PRELID2: variants seen among roughly 807,000 people sequenced by gnomAD.
PRELID2 encodes the protein PRELI domain containing 2, also known as PRELI domain-containing protein 2.
PRELID2 carries 25 observed loss-of-function variants against 28.4 expected under a neutral mutation model. That is an observed-to-expected ratio of 0.88 (90% CI 0.64 to 1.23). PRELID2 has a LOEUF of 1.23. Ranked by LOEUF, PRELID2 falls within the 50% of genes most tolerant of loss-of-function variation. PRELID2 has a pLI of 0.00. For synonymous variants in PRELID2, 76 were observed against 71.6 expected, an observed-to-expected ratio of 1.06 and a Z score of -0.31; for missense variants, 201 against 214.4, an observed-to-expected ratio of 0.94 and a Z score of 0.39.
intron 1 of PRELID2, among the ~76,000 whole-genome samples, chr5:145,529,892 G>A (rs73307634): frequency 2.2e-4 from 34 of 152,174 alleles, no homozygotes; most frequent in Middle Eastern, 6.8e-3. Flanking sequence ...CTATTAGCAC[G>A]TTTTATGTAA....
the PRELID2 span, among the ~76,000 whole-genome samples, chr5:145,323,587 G>T: frequency 8.5e-5 from 13 of 152,142 alleles, no homozygotes; most frequent in African/African-American, 3.1e-4. Flanking sequence ...CATAGTAAAT[G>T]GGTAGTTTTT....
chr5:145,789,636 CAAAT>C (rs1446200279), intron 5 of PRELID2, among the ~76,000 whole-genome samples: 6 of 152,022 alleles, frequency 3.9e-5, no homozygotes, highest in Non-Finnish European at 5.9e-5. Context: ...CAAAAACAGA[CAAAT>C]AAGATTGCAT....
the PRELID2 span, among the ~76,000 whole-genome samples, chr5:145,394,066 C>A: frequency 3.9e-5 from 6 of 152,106 alleles, no homozygotes; most frequent in African/African-American, 1.4e-4. Context: ...TTTGACCCAG[C>A]CATCCCATTA....
intron 1 of PRELID2, among the ~76,000 whole-genome samples, chr5:145,701,129 C>T (rs889123547): frequency 7.9e-5 from 12 of 152,124 alleles, no homozygotes; most frequent in Admixed American, 7.9e-4. Context: ...TTTGAGAGTC[C>T]TATAATTACT....
the PRELID2 span, among the ~76,000 whole-genome samples, chr5:145,375,001 C>T: frequency 1.3e-5 from 2 of 152,156 alleles, no homozygotes; most frequent in Non-Finnish European, 2.9e-5. Context: ...TCCATCTCAT[C>T]CTCCATCCAG....
At chr5:145,492,151 C>G (rs1427578665) in intron 1 of PRELID2, among the ~76,000 whole-genome samples, 2 of 152,136 alleles carry the variant, frequency 1.3e-5, no homozygotes, top group Admixed American at 1.3e-4. Flanking sequence ...ACATTGCCAC[C>G]AACAGTGTGC....
chr5:145,584,053 A>C (rs554563799), intron 1 of PRELID2, among the ~76,000 whole-genome samples: 8 of 152,314 alleles, frequency 5.3e-5, no homozygotes, highest in Admixed American at 4.6e-4. Context: ...GCAAGGCTAC[A>C]GTAACCAAAA....
chr5:145,268,748 T>C, the PRELID2 span, among the ~76,000 whole-genome samples: 8 of 152,062 alleles, frequency 5.3e-5, no homozygotes, highest in East Asian at 1.4e-3. Flanking sequence ...AAAAGGAAAA[T>C]AACTATCTAT....
At chr5:145,245,121 T>C in the PRELID2 span, among the ~76,000 whole-genome samples, 1 of 152,084 alleles carries the variant, frequency 6.6e-6, no homozygotes, top group Non-Finnish European at 1.5e-5. Context: ...TTTAACCCAC[T>C]ACAAAACTCT....
chr5:145,396,811 G>C, the PRELID2 span, among the ~76,000 whole-genome samples: 1 of 149,790 alleles, frequency 6.7e-6, no homozygotes, highest in Admixed American at 6.6e-5. Context: ...AATAACACGG[G>C]TGGAGGATGA....
chr5:145,606,714 G>T (rs1753509521), intron 1 of PRELID2, among the ~76,000 whole-genome samples: 1 of 152,046 alleles, frequency 6.6e-6, no homozygotes, highest in Non-Finnish European at 1.5e-5. Context: ...AAGGATATTG[G>T]CCTGAATTTT....
At chr5:145,234,535 A>G in the PRELID2 span, among the ~76,000 whole-genome samples, 1 of 152,096 alleles carries the variant, frequency 6.6e-6, no homozygotes, top group African/African-American at 2.4e-5. Flanking sequence ...CATTCTAAAC[A>G]TGTCTGCTTT....
chr5:145,784,475 T>C (rs1211944380), intron 5 of PRELID2, among the ~76,000 whole-genome samples: 2 of 152,302 alleles, frequency 1.3e-5, no homozygotes, highest in East Asian at 1.9e-4. Flanking sequence ...AGCCAGAATA[T>C]GGATGATATC....
the PRELID2 span, among the ~76,000 whole-genome samples, chr5:145,393,747 C>A: frequency 6.6e-6 from 1 of 152,110 alleles, no homozygotes; most frequent in Non-Finnish European, 1.5e-5. Context: ...TCACTGTGTA[C>A]AGAGAAATCT....
At chr5:145,751,464 T>C (rs1252050411), downstream of PRELID2, among the ~76,000 whole-genome samples, 2 of 152,236 alleles carry the variant, frequency 1.3e-5, no homozygotes, top group African/African-American at 4.8e-5. Flanking sequence ...CTGAACCATA[T>C]GCAATTGCCA....
the PRELID2 span, among the ~76,000 whole-genome samples, chr5:145,380,109 C>T: frequency 7.9e-5 from 12 of 152,178 alleles, no homozygotes. Flanking sequence ...GCTGCCCCTA[C>T]CACTTCTCTA....
chr5:145,452,121 A>T, the PRELID2 span, among the ~76,000 whole-genome samples: 1 of 152,142 alleles, frequency 6.6e-6, no homozygotes, highest in Non-Finnish European at 1.5e-5. Flanking sequence ...ATATCCTTCT[A>T]TGTGGTCTCC....
At chr5:145,528,726 CAGAG>C (rs1035893212) in intron 1 of PRELID2, among the ~76,000 whole-genome samples, 226 of 53,640 alleles carry the variant, frequency 4.2e-3, no homozygotes, top group Middle Eastern at 9.8e-3. Flanking sequence ...CACACACACA[CAGAG>C]AGAGAGAGAG....
the PRELID2 span, among the ~76,000 whole-genome samples, chr5:145,254,911 T>C: frequency 1.4e-5 from 2 of 146,076 alleles, no homozygotes; most frequent in African/African-American, 5.2e-5. Context: ...ACCCAAACTC[T>C]GAATTAAAAA....
Sources: allele counts gnomAD v4.1 joint callset (sites outside exome capture counted in the v4.1 genomes callset), GRCh38; gene constraint gnomAD v4.1.1; transcripts MANE v1.5; gene names NCBI Gene and HGNC (gene_info 2026-07-23, HGNC 2026-07-21).